The following DNAI1 variants were observed in gnomAD, a reference collection of about 807,000 sequenced individuals.
The protein encoded by DNAI1 is dynein, axonemal, intermediate polypeptide 1.
Under a neutral mutation model 92.0 loss-of-function variants are expected in DNAI1, and 67 were observed. The ratio of observed to expected loss-of-function variants is 0.73; its 90% CI spans 0.60 to 0.89. DNAI1 has a LOEUF of 0.89. Among genes scored for constraint, DNAI1 ranks in the 40% least tolerant of loss-of-function variants. The pLI, the probability that DNAI1 is intolerant of heterozygous loss-of-function variation, is 0.00. For missense variants in DNAI1, 839 were observed against 866.6 expected, an observed-to-expected ratio of 0.97 and a Z score of 0.40; for synonymous variants, 323 against 319.6, an observed-to-expected ratio of 1.01 and a Z score of -0.11.
intron 19 of DNAI1, 121 bp downstream of exon 19, chr9:34,517,588 T>C (rs532169297): frequency 3.3e-5 from 38 of 1,143,096 alleles, no homozygotes; most frequent in Non-Finnish European, 4.5e-5. Context: ...AGGGTAAGGA[T>C]GGTGTCATTG....
At chr9:34,489,169 T>C (rs1824530864) in intron 4 of DNAI1, 154 bp from the exon 5 acceptor site, 1 of 808,732 alleles carries the variant, frequency 1.2e-6, no homozygotes, top group South Asian at 1.5e-5. Flanking sequence ...TAAACTGAAA[T>C]GCAGTGAAAA....
chr9:34,518,535 G>T (rs1344001991), intron 19 of DNAI1, among the ~76,000 whole-genome samples: 2 of 152,260 alleles, frequency 1.3e-5, no homozygotes, highest in Non-Finnish European at 2.9e-5. Context: ...GTGGGCTTGA[G>T]GGGAGGGAGG....
rs1163541087 is a variant in DNAI1, at chr9:34,514,712, G to A, written c.1791G>A (p.Val597=). 1.2e-6 allele frequency: 2 copies of A among 1,614,108 alleles called. No individual in the cohort carries two copies. Among genetic ancestry groups the A allele is most frequent in the African/African-American group, 1.3e-5 (1 of 75,048 alleles). The change falls in exon 18 of 20, where the codon GTG becomes GTA. Residue 597 remains valine (V), a synonymous_variant. Transcript: ENST00000242317. ...CCTGGGCGCCATACTCTTCTACTGT[G>A]TTCGCAGCAGTCACCACAGATGGGA... The part of the protein sequence containing the change: ...DVAWAPYSST[V]FAAVTTDGKA...
chr9:34,513,150 T>C lies in DNAI1; in HGVS notation c.1528T>C (p.Tyr510His). The change falls in exon 16 of 20, where the codon TAC becomes CAC. Residue 510 changes from tyrosine (Y) to histidine (H), a missense_variant. Physicochemically the swap from Tyr to His is moderately conservative, Grantham distance 83 (BLOSUM62 2). Transcript: ENST00000242317. ...TAFDFHKEID[Y>H]MFLVGTEEGK... ...CTTTGACTTCCACAAAGAGATTGAC[T>C]ACATGTTCCTAGTGGGCACAGAGGA... 1 of 1,614,168 alleles carries C rather than the reference T, an allele frequency of 6.2e-7. No individual in the cohort carries two copies. The highest frequency in any genetic ancestry group is 8.5e-7 in the Non-Finnish European group (1 of 1,180,022).
chr9:34,476,989 AG>A (rs940190471), intron 1 of DNAI1, among the ~76,000 whole-genome samples: 1 of 152,104 alleles, frequency 6.6e-6, no homozygotes, highest in Non-Finnish European at 1.5e-5. Flanking sequence ...CTCATGGCGG[AG>A]GGTGGGCTCT....
chr9:34,468,663 C>CA (rs1564026802), intron 1 of DNAI1, among the ~76,000 whole-genome samples: 1 of 151,764 alleles, frequency 6.6e-6, no homozygotes, highest in South Asian at 2.1e-4. Context: ...CTCGTCTCTA[C>CA]AAAAAATTTA....
chr9:34,498,184 T>A (rs528009047), intron 10 of DNAI1, among the ~76,000 whole-genome samples: 1 of 152,222 alleles, frequency 6.6e-6, no homozygotes, highest in Non-Finnish European at 1.5e-5. Context: ...GGAACAGTTA[T>A]AATAGTGAGA....
chr9:34,490,342 C>G (rs762332247), intron 6 of DNAI1, 27 bp from the exon 7 acceptor site: 3 of 1,614,164 alleles, frequency 1.9e-6, no homozygotes, highest in Non-Finnish European at 2.5e-6. Flanking sequence ...ACAGCTGATT[C>G]CTGATCCTCT....
chr9:34,478,129 C>T (rs973320002), intron 1 of DNAI1, among the ~76,000 whole-genome samples: 1 of 151,990 alleles, frequency 6.6e-6, no homozygotes, highest in Non-Finnish European at 1.5e-5. Context: ...TCAAGTGATC[C>T]GCCTTTCTCA....
At chr9:34,507,024 G>C (rs1824948841) in intron 13 of DNAI1, 150 bp downstream of exon 13, 7 of 1,248,720 alleles carry the variant, frequency 5.6e-6, no homozygotes, top group Non-Finnish European at 7.8e-6. Flanking sequence ...TGTCAGAAAA[G>C]GGCAGAAGGT....
intron 7 of DNAI1, 30 bp downstream of exon 7, chr9:34,490,518 C>T (rs753944400): frequency 2.5e-6 from 4 of 1,613,348 alleles, no homozygotes; most frequent in Non-Finnish European, 3.4e-6. Flanking sequence ...AGCCCCTTTG[C>T]AGCTCTTCAC....
intron 1 of DNAI1, among the ~76,000 whole-genome samples, chr9:34,470,907 A>G (rs1824123469): frequency 6.6e-6 from 1 of 152,242 alleles, no homozygotes; most frequent in Non-Finnish European, 1.5e-5. Flanking sequence ...CCTTGCCAAA[A>G]AAGAATCTCA....
chr9:34,483,411 C>T lies in DNAI1; in HGVS notation c.49-37C>T, dbSNP rs377100068. On this transcript the variant is annotated intron_variant, in intron 1 of 19. Coordinates refer to ENST00000242317, the MANE Select transcript of DNAI1 (RefSeq NM_012144.4). ...TTTATGATATTTCCATGTCAATTTG[C>T]TTATGACTTACCTTCTGTTTTCTGT... is the stretch of plus-strand genomic sequence containing the variant. The T allele has an allele frequency of 7.5e-6, 12 of 1,602,940 alleles. No homozygotes were observed. In the African/African-American group the frequency reaches 1.5e-4, roughly 20 times the overall value.
chr9:34,491,385 C>G, intron 7 of DNAI1, 110 bp from the exon 8 acceptor site: 1 of 1,153,086 alleles, frequency 8.7e-7, no homozygotes. Flanking sequence ...GCTCTGTGTC[C>G]CAAACCTCCA....
intron 10 of DNAI1, among the ~76,000 whole-genome samples, 160 bp downstream of exon 10, chr9:34,497,359 G>A (rs991629164): frequency 1.3e-5 from 2 of 152,226 alleles, no homozygotes; most frequent in African/African-American, 4.8e-5. Flanking sequence ...CAAGACTTAT[G>A]TGGATTAACC....
chr9:34,476,812 G>A (rs113104820), intron 1 of DNAI1, among the ~76,000 whole-genome samples: 4 of 152,318 alleles, frequency 2.6e-5, no homozygotes, highest in African/African-American at 9.6e-5. Flanking sequence ...TATCACCTGT[G>A]TGAGGCTTGG....
chr9:34,496,598 T>A (rs1263953303), intron 9 of DNAI1, among the ~76,000 whole-genome samples: 1 of 152,204 alleles, frequency 6.6e-6, no homozygotes, highest in African/African-American at 2.4e-5. Context: ...TTGTACTCCA[T>A]GTATGTAAGC....
chr9:34,517,341 G>A lies in DNAI1; in HGVS notation c.1875G>A (p.Val625=), dbSNP rs775469694. The A allele has an allele frequency of 6.2e-7, 1 of 1,614,102 alleles. No individual in the cohort carries two copies. The highest frequency in any genetic ancestry group is 1.1e-5 in the South Asian group (1 of 91,070). Residue 625 remains valine (V), a synonymous_variant, in exon 19 of 20, where the codon GTG becomes GTA. Coordinates refer to ENST00000242317, the MANE Select transcript of DNAI1 (RefSeq NM_012144.4). The part of the protein sequence containing the change: ...NKYEAICNQP[V]AAKKNRLTHV... ...ATGAGGCCATCTGCAACCAGCCTGT[G>A]GCGGCCAAAAAGAACAGGCTCACCC...
chr9:34,477,072 G>A (rs1824250759), intron 1 of DNAI1, among the ~76,000 whole-genome samples: 1 of 152,038 alleles, frequency 6.6e-6, no homozygotes, highest in Non-Finnish European at 1.5e-5. Flanking sequence ...TTGGAGTGTA[G>A]TGGCACAATC....
Sources: allele counts gnomAD v4.1 joint callset (sites outside exome capture counted in the v4.1 genomes callset), GRCh38; gene constraint gnomAD v4.1.1; transcripts MANE v1.5; gene names NCBI Gene and HGNC (gene_info 2026-07-23, HGNC 2026-07-21).